ARHGAP26: variants seen among roughly 807,000 people sequenced by gnomAD.
The protein encoded by ARHGAP26 is rho GTPase-activating protein 26.
ARHGAP26 carries 38 observed loss-of-function variants against 104.8 expected under a neutral mutation model. The ratio of observed to expected loss-of-function variants is 0.36; its 90% CI spans 0.28 to 0.48. The LOEUF (loss-of-function observed/expected upper bound fraction) is 0.48. ARHGAP26 is among the 20% of genes least tolerant of loss of function. The probability of loss-of-function intolerance (pLI) is 0.99; values close to 1 mark genes in which losing one functional copy is unlikely to be tolerated. For synonymous variants in ARHGAP26, 341 were observed against 340.0 expected (o/e 1.00, Z -0.03); for missense variants, 704 against 947.9 (o/e 0.74, Z 3.38).
chr5:143,139,884 G>T (rs1233453651), intron 19 of ARHGAP26, among the ~76,000 whole-genome samples: 4 of 152,204 alleles, frequency 2.6e-5, no homozygotes. Flanking sequence ...ACTGTAGAAG[G>T]GGGAGCCAGA....
intron 19 of ARHGAP26, among the ~76,000 whole-genome samples, chr5:143,146,964 T>G (rs1047108986): frequency 1.1e-4 from 16 of 152,210 alleles, no homozygotes; most frequent in Non-Finnish European, 2.2e-4. Context: ...AGGGCCACTC[T>G]TAGAAAAAAT....
At chr5:142,792,576 A>T (rs1159699125) in intron 1 of ARHGAP26, among the ~76,000 whole-genome samples, 1 of 152,174 alleles carries the variant, frequency 6.6e-6, no homozygotes, top group Non-Finnish European at 1.5e-5. Context: ...CTGACCGTGC[A>T]GGGATCTAGT....
intron 20 of ARHGAP26, chr5:143,170,022 T>C (rs1340189507): frequency 6.6e-6 from 1 of 152,238 alleles, no homozygotes; most frequent in Non-Finnish European, 1.5e-5. Flanking sequence ...ATCTTCCTAC[T>C]TAGCCCTGGA....
intron 1 of ARHGAP26, among the ~76,000 whole-genome samples, chr5:142,802,872 T>G (rs750472626): frequency 1.5e-4 from 23 of 152,276 alleles, no homozygotes; most frequent in Middle Eastern, 3.4e-3. Flanking sequence ...TCTCCAAACC[T>G]CAGTTTCCTC....
At chr5:143,084,351 C>T (rs962349575) in intron 17 of ARHGAP26, among the ~76,000 whole-genome samples, 12 of 152,246 alleles carry the variant, frequency 7.9e-5, no homozygotes, top group Non-Finnish European at 1.8e-4. Context: ...ATTCTCATCA[C>T]TCTGTGCTGA....
At chr5:142,884,974 G>C (rs1757506323) in intron 4 of ARHGAP26, among the ~76,000 whole-genome samples, 1 of 152,212 alleles carries the variant, frequency 6.6e-6, no homozygotes, top group Non-Finnish European at 1.5e-5. Context: ...ACCCCTGGCT[G>C]CCTTCTGGCC....
At chr5:142,988,549 C>A (rs1264720067) in intron 11 of ARHGAP26, among the ~76,000 whole-genome samples, 2 of 152,034 alleles carry the variant, frequency 1.3e-5, no homozygotes, top group Admixed American at 1.3e-4. Context: ...AATGTGTTTG[C>A]TTTTGCTTCT....
At chr5:143,041,778 C>T (rs575489833) in intron 13 of ARHGAP26, 38 bp from the exon 14 acceptor site, 49 of 1,495,450 alleles carry the variant, frequency 3.3e-5, no homozygotes, top group Middle Eastern at 1.7e-4. Flanking sequence ...TGTGTTCTGA[C>T]GTGCCTCTAA....
intron 1 of ARHGAP26, among the ~76,000 whole-genome samples, chr5:142,838,782 G>C (rs1286160441): frequency 6.6e-6 from 1 of 152,144 alleles, no homozygotes; most frequent in Non-Finnish European, 1.5e-5. Flanking sequence ...AGACAGCTTT[G>C]GAATTATCTA....
intron 11 of ARHGAP26, among the ~76,000 whole-genome samples, chr5:142,959,015 T>C (rs962680542): frequency 1.3e-5 from 2 of 152,152 alleles, no homozygotes; most frequent in Non-Finnish European, 2.9e-5. Flanking sequence ...ACTTAGAGAC[T>C]ATCAGAGCTT....
intron 17 of ARHGAP26, among the ~76,000 whole-genome samples, chr5:143,065,476 G>C (rs1787349700): frequency 6.6e-6 from 1 of 152,216 alleles, no homozygotes. Flanking sequence ...GGGCATAAGA[G>C]CACAGTGGTG....
chr5:143,194,811 C>T (rs1433747683), intron 20 of ARHGAP26, among the ~76,000 whole-genome samples: 2 of 152,122 alleles, frequency 1.3e-5, no homozygotes, highest in Admixed American at 1.3e-4. Context: ...TCCTCAGAAC[C>T]AAATGAACAA....
chr5:143,167,406 C>T (rs1434894151), intron 20 of ARHGAP26, among the ~76,000 whole-genome samples: 7 of 137,288 alleles, frequency 5.1e-5, no homozygotes, highest in Admixed American at 2.3e-4. Flanking sequence ...CACTTGAACC[C>T]GGGGGGGAAG....
At chr5:142,776,823 T>C (rs1019004186) in intron 1 of ARHGAP26, among the ~76,000 whole-genome samples, 7 of 152,236 alleles carry the variant, frequency 4.6e-5, no homozygotes, top group Admixed American at 3.3e-4. Flanking sequence ...CTTGTGTTTA[T>C]TTAAAAAAAC....
intron 16 of ARHGAP26, 38 bp downstream of exon 16, chr5:143,056,124 T>A: frequency 6.5e-7 from 1 of 1,544,320 alleles, no homozygotes; most frequent in Non-Finnish European, 8.9e-7. Flanking sequence ...GGGAAGAGAA[T>A]AGATTTTTCT....
intron 6 of ARHGAP26, among the ~76,000 whole-genome samples, chr5:142,898,603 A>G (rs1287434437): frequency 6.6e-6 from 1 of 152,058 alleles, no homozygotes; most frequent in African/African-American, 2.4e-5. Flanking sequence ...TGCACCTTCT[A>G]ACACGTCAGT....
chr5:143,004,139 T>C (rs1777607164), intron 11 of ARHGAP26, among the ~76,000 whole-genome samples: 1 of 151,930 alleles, frequency 6.6e-6, no homozygotes, highest in Non-Finnish European at 1.5e-5. Context: ...CACTCATCAG[T>C]GTATAAGTGG....
chr5:142,886,264 T>TA (rs1374109335), intron 5 of ARHGAP26, among the ~76,000 whole-genome samples: 3 of 152,202 alleles, frequency 2.0e-5, no homozygotes, highest in African/African-American at 7.2e-5. Context: ...TTTGAACAGA[T>TA]ACCATGCCAG....
intron 19 of ARHGAP26, among the ~76,000 whole-genome samples, chr5:143,134,560 C>T (rs555201811): frequency 6.6e-6 from 1 of 152,168 alleles, no homozygotes; most frequent in Non-Finnish European, 1.5e-5. Context: ...ATCTTTTACT[C>T]CACCTTTCAT....
Sources: allele counts gnomAD v4.1 joint callset (sites outside exome capture counted in the v4.1 genomes callset), GRCh38; gene constraint gnomAD v4.1.1; transcripts MANE v1.5; gene names NCBI Gene and HGNC (gene_info 2026-07-23, HGNC 2026-07-21).